The following PTPN11 variants were observed in gnomAD, a reference collection of about 807,000 sequenced individuals.
PTPN11 encodes the protein tyrosine-protein phosphatase non-receptor type 11.
Under a neutral mutation model 78.8 loss-of-function variants are expected in PTPN11, and 6 were observed. That is an observed-to-expected ratio of 0.08 (90% CI 0.04 to 0.15). The LOEUF (loss-of-function observed/expected upper bound fraction) is 0.15. Ranked by LOEUF, PTPN11 falls within the 10% of genes least tolerant of loss-of-function variation. The pLI, the probability that PTPN11 is intolerant of heterozygous loss-of-function variation, is 1.00. For synonymous variants in PTPN11, 221 were observed against 263.5 expected (o/e 0.84, Z 1.56); for missense variants, 386 against 744.8 (o/e 0.52, Z 5.61).
chr12:112,482,323 G>A lies in PTPN11; in HGVS notation c.1224+118G>A. ...ATGCATTCGCTCACTCATTGATTCA[G>A]TAGCCATTTATTAGCTTCCTTCTAT... On this transcript the variant is annotated intron_variant, in intron 10 of 15. Coordinates refer to ENST00000351677, the MANE Select transcript of PTPN11 (RefSeq NM_002834.5). The surrounding 1 kb of genome is among the most constrained non-coding windows in gnomAD (Gnocchi z 4.4). The A allele has an allele frequency of 2.5e-6, 3 of 1,219,044 alleles. No individual in the cohort carries two copies. Among genetic ancestry groups the A allele is most frequent in the Non-Finnish European group, 3.6e-6 (3 of 834,902 alleles). The allele number at this position is 1,219,044 out of a possible 1,614,324, so 75.5% of individuals were successfully genotyped here.
chr12:112,488,373 G>A (rs2038705556), intron 11 of PTPN11, 70 bp from the exon 12 acceptor site: 1 of 1,214,142 alleles, frequency 8.2e-7, no homozygotes, highest in Non-Finnish European at 1.2e-6. Flanking sequence ...TGATATTAAT[G>A]GCTTGGTTTT....
intron 7 of PTPN11, among the ~76,000 whole-genome samples, chr12:112,475,404 A>T (rs2038485352): frequency 6.6e-6 from 1 of 152,076 alleles, no homozygotes; most frequent in Non-Finnish European, 1.5e-5. Flanking sequence ...GGAGTGCATA[A>T]TGTTTTATTG....
intron 13 of PTPN11, among the ~76,000 whole-genome samples, chr12:112,495,408 T>A (rs2038801959): frequency 6.6e-6 from 1 of 152,226 alleles, no homozygotes; most frequent in African/African-American, 2.4e-5. Context: ...TTGTAGGATA[T>A]CCCACAACTT....
At chr12:112,430,877 A>T (rs907575324) in intron 1 of PTPN11, among the ~76,000 whole-genome samples, 1 of 152,176 alleles carries the variant, frequency 6.6e-6, no homozygotes, top group Non-Finnish European at 1.5e-5. Context: ...GGTGTCCTAG[A>T]CATTCACTTT....
Position 112,453,646 on chromosome 12 carries a change from GT to G in PTPN11, c.525+275del, listed in dbSNP as rs376601242. ...CATTACATTCAAAGTCAGATTTTCT[GT>G]TTTTTTTTTTTTTTTGTTTTTGTTT... On this transcript the variant is annotated intron_variant, in intron 4 of 15. Transcript: ENST00000351677. Among the ~76,000 whole-genome samples, 576 of 116,560 alleles carry G rather than the reference GT, an allele frequency of 4.9e-3. 2 individuals are homozygous for G. Among genetic ancestry groups the G allele is most frequent in the African/African-American group, 8.2e-3 (268 of 32,504 alleles). The allele number at this position is 116,560 out of a possible 152,430, so 76.5% of individuals were successfully genotyped here. A position where few individuals can be genotyped will look rare whatever the true frequency, so the allele number is the denominator to read the frequency against.
At chr12:112,439,799 A>C (rs1028160217) in intron 1 of PTPN11, among the ~76,000 whole-genome samples, 44 of 151,238 alleles carry the variant, frequency 2.9e-4, no homozygotes, top group African/African-American at 2.9e-4. Flanking sequence ...AAAAAAACAA[A>C]AACAAAAAAA....
intron 1 of PTPN11, among the ~76,000 whole-genome samples, chr12:112,437,212 A>G (rs1319615462): frequency 2.6e-5 from 4 of 152,038 alleles, no homozygotes; most frequent in Non-Finnish European, 5.9e-5. Context: ...GTGCAGTGGA[A>G]TGATCTTGGC....
At chr12:112,426,737 A>G (rs563436433) in intron 1 of PTPN11, among the ~76,000 whole-genome samples, 4 of 151,908 alleles carry the variant, frequency 2.6e-5, no homozygotes, top group South Asian at 4.2e-4. Context: ...GTGTGTGTGT[A>G]TGTGTGTGTA....
Position 112,477,735 on chromosome 12 carries a change from G to A in PTPN11, c.933+5G>A. The A allele has an allele frequency of 1.9e-6, 3 of 1,611,094 alleles. No individual in the cohort carries two copies. Among genetic ancestry groups the A allele is most frequent in the Non-Finnish European group, 2.5e-6 (3 of 1,177,260 alleles). On this transcript the variant is annotated splice_donor_5th_base_variant and intron_variant, in intron 8 of 15. Coordinates refer to ENST00000351677, the MANE Select transcript of PTPN11 (RefSeq NM_002834.5). Reference sequence around the variant, plus strand: ...ATCAATGCAAATATCATCATGGTAAGCTTTGCTTTTCACAGTGTTTTCTGA... The same window carrying A: ...ATCAATGCAAATATCATCATGGTAAACTTTGCTTTTCACAGTGTTTTCTGA...
intron 1 of PTPN11, among the ~76,000 whole-genome samples, chr12:112,434,300 A>C (rs555441033): frequency 2.6e-5 from 4 of 151,138 alleles, no homozygotes; most frequent in East Asian, 3.9e-4. Flanking sequence ...AACCAAAAAA[A>C]CCCAGCAAAG....
At chr12:112,461,297 T>A (rs549661730) in intron 6 of PTPN11, among the ~76,000 whole-genome samples, 1 of 152,152 alleles carries the variant, frequency 6.6e-6, no homozygotes, top group Admixed American at 6.5e-5. Context: ...TCGCCGAGGG[T>A]TGATTTTTTC....
chr12:112,475,309 A>G (rs1280486039), intron 7 of PTPN11, among the ~76,000 whole-genome samples: 1 of 152,190 alleles, frequency 6.6e-6, no homozygotes, highest in African/African-American at 2.4e-5. Context: ...AAAGGAAGGA[A>G]CATTTACAAC....
intron 7 of PTPN11, 118 bp from the exon 8 acceptor site, chr12:112,477,533 T>G (rs961191358): frequency 5.1e-6 from 4 of 791,528 alleles, no homozygotes; most frequent in Non-Finnish European, 6.3e-6. Flanking sequence ...TTTTTATGTG[T>G]TTTTTTTTCA....
chr12:112,501,973 G>T (rs1230392977), intron 13 of PTPN11, among the ~76,000 whole-genome samples, 171 bp from the exon 14 acceptor site: 1 of 152,136 alleles, frequency 6.6e-6, no homozygotes, highest in Non-Finnish European at 1.5e-5. Context: ...TATTTACCTT[G>T]AGAAGGTGAA....
intron 9 of PTPN11, among the ~76,000 whole-genome samples, chr12:112,480,627 T>G (rs2038581948): frequency 6.6e-6 from 1 of 152,210 alleles, no homozygotes; most frequent in Non-Finnish European, 1.5e-5. Context: ...CCCAAAGTGC[T>G]GGGATTACAG....
chr12:112,493,915 T>C (rs2038784996), intron 13 of PTPN11, among the ~76,000 whole-genome samples: 1 of 152,194 alleles, frequency 6.6e-6, no homozygotes, highest in Admixed American at 6.5e-5. Context: ...CTTAGCATAA[T>C]GTCATCCATG....
At chr12:112,477,599 T>G (rs2038524895) in intron 7 of PTPN11, 52 bp from the exon 8 acceptor site, 1 of 1,436,592 alleles carries the variant, frequency 7.0e-7, no homozygotes, top group Non-Finnish European at 9.8e-7. Context: ...TTGAACTGTT[T>G]TTTCCTGAAG....
chr12:112,502,113 TC>T (rs770579731), intron 13 of PTPN11, 30 bp from the exon 14 acceptor site: 3 of 1,518,240 alleles, frequency 2.0e-6, no homozygotes, highest in Non-Finnish European at 2.7e-6. Context: ...ATAACCATTG[TC>T]CCTCACATGT....
chr12:112,498,229 G>C (rs2038835691), intron 13 of PTPN11, among the ~76,000 whole-genome samples: 2 of 152,228 alleles, frequency 1.3e-5, no homozygotes, highest in African/African-American at 2.4e-5. Flanking sequence ...CACTAGGCTA[G>C]AGCAGCTGCA....
Sources: gnomAD v4.1 joint callset for allele counts (sites outside exome capture counted in the v4.1 genomes callset) on GRCh38, gnomAD v4.1.1 for gene constraint, Gnocchi (gnomAD v3.1) non-coding constraint, MANE v1.5 for transcripts, NCBI Gene and HGNC (gene_info 2026-07-23, HGNC 2026-07-21) for gene names.